STXBP5L: variants seen among roughly 807,000 people sequenced by gnomAD.
STXBP5L encodes syntaxin-binding protein 5-like.
A neutral mutation model predicts 144.5 loss-of-function variants in STXBP5L; 65 were observed. The ratio of observed to expected loss-of-function variants is 0.45; its 90% CI spans 0.37 to 0.55. STXBP5L has a LOEUF of 0.55. Among genes scored for constraint, STXBP5L ranks in the 20% least tolerant of loss-of-function variants. The pLI is 0.00. For missense variants in STXBP5L, 1,298 were observed against 1,405.5 expected, an observed-to-expected ratio of 0.92 and a Z score of 1.22; for synonymous variants, 505 against 469.6, an observed-to-expected ratio of 1.08 and a Z score of -0.97.
At chr3:121,259,809 G>GT (rs2050327898) in intron 18 of STXBP5L, among the ~76,000 whole-genome samples, 3 of 148,492 alleles carry the variant, frequency 2.0e-5, no homozygotes, top group Admixed American at 6.7e-5. Context: ...AGTTGTTCCT[G>GT]GTTTTTTTTT....
chr3:121,398,733 C>T (rs1170885014), intron 22 of STXBP5L, among the ~76,000 whole-genome samples: 1 of 152,182 alleles, frequency 6.6e-6, no homozygotes, highest in Non-Finnish European at 1.5e-5. Flanking sequence ...TAGCTTTATG[C>T]AGATTACCTC....
At chr3:120,936,554 GTATCTT>G (rs939620376) in intron 2 of STXBP5L, among the ~76,000 whole-genome samples, 2 of 151,526 alleles carry the variant, frequency 1.3e-5, no homozygotes, top group Non-Finnish European at 2.9e-5. Flanking sequence ...CCTTGTTTTT[GTATCTT>G]CAGTTGTCTT....
At chr3:121,069,619 G>A (rs2041711968) in intron 5 of STXBP5L, among the ~76,000 whole-genome samples, 1 of 151,872 alleles carries the variant, frequency 6.6e-6, no homozygotes, top group African/African-American at 2.4e-5. Context: ...ATATGTAGGA[G>A]ATCTAGTTTC....
intron 3 of STXBP5L, among the ~76,000 whole-genome samples, chr3:120,956,382 A>T (rs1007219387): frequency 6.6e-6 from 1 of 151,770 alleles, no homozygotes; most frequent in Non-Finnish European, 1.5e-5. Flanking sequence ...CTGTTTCTAT[A>T]ATTTTTACTA....
intron 19 of STXBP5L, among the ~76,000 whole-genome samples, chr3:121,295,179 A>T (rs2051601351): frequency 6.6e-6 from 1 of 152,064 alleles, no homozygotes; most frequent in Non-Finnish European, 1.5e-5. Flanking sequence ...GAGATTGAGG[A>T]TAAGGGAGAG....
intron 12 of STXBP5L, among the ~76,000 whole-genome samples, chr3:121,235,816 AAC>A (rs778143089): frequency 1.3e-3 from 191 of 148,804 alleles, no homozygotes; most frequent in African/African-American, 2.0e-3. Flanking sequence ...CTCCTGCCAG[AAC>A]ACACACACAC....
chr3:120,958,904 G>C (rs1454923187), intron 3 of STXBP5L, among the ~76,000 whole-genome samples: 1 of 152,156 alleles, frequency 6.6e-6, no homozygotes, highest in African/African-American at 2.4e-5. Context: ...GTTCTGGCCA[G>C]GGCAATTAGG....
chr3:121,117,298 G>A (rs1362929369), intron 6 of STXBP5L, among the ~76,000 whole-genome samples: 5 of 151,734 alleles, frequency 3.3e-5, no homozygotes, highest in East Asian at 3.9e-4. Context: ...AGTTGTACAT[G>A]CCTCTGAAAA....
At chr3:120,934,029 G>C (rs971858935) in intron 2 of STXBP5L, among the ~76,000 whole-genome samples, 23 of 144,644 alleles carry the variant, frequency 1.6e-4, no homozygotes, top group Non-Finnish European at 4.6e-5. Context: ...CTTTTTTTTT[G>C]CCCTTCGTAT....
chr3:120,926,957 A>G (rs933568810), intron 2 of STXBP5L, among the ~76,000 whole-genome samples: 2 of 131,904 alleles, frequency 1.5e-5, no homozygotes, highest in African/African-American at 5.8e-5. Flanking sequence ...TTTTTTTGAG[A>G]TGGAGTCTCC....
intron 22 of STXBP5L, among the ~76,000 whole-genome samples, chr3:121,398,553 A>G (rs2046791996): frequency 6.6e-6 from 1 of 152,170 alleles, no homozygotes. Flanking sequence ...CATTTTAGAC[A>G]TATTTCAGGC....
At chr3:120,967,582 T>C (rs1311762141) in intron 3 of STXBP5L, among the ~76,000 whole-genome samples, 1 of 152,240 alleles carries the variant, frequency 6.6e-6, no homozygotes, top group African/African-American at 2.4e-5. Context: ...GATATTTGTT[T>C]AGTCTCAATT....
At chr3:121,042,656 T>C (rs1417508987) in intron 4 of STXBP5L, among the ~76,000 whole-genome samples, 1 of 152,166 alleles carries the variant, frequency 6.6e-6, no homozygotes, top group Non-Finnish European at 1.5e-5. Context: ...CTTACAATTA[T>C]AAGTGTGGGT....
chr3:121,292,403 G>A (rs924938201), intron 19 of STXBP5L, among the ~76,000 whole-genome samples: 3 of 152,236 alleles, frequency 2.0e-5, no homozygotes, highest in Non-Finnish European at 1.5e-5. Flanking sequence ...ATGTTAGCAT[G>A]GATATAGTGA....
intron 11 of STXBP5L, among the ~76,000 whole-genome samples, chr3:121,226,426 C>T (rs754479799): frequency 2.6e-5 from 4 of 152,202 alleles, no homozygotes; most frequent in South Asian, 2.1e-4. Flanking sequence ...AGGGGGGCCC[C>T]GTTACTATTT....
At chr3:121,044,824 A>G (rs1369161717) in intron 4 of STXBP5L, among the ~76,000 whole-genome samples, 3 of 152,202 alleles carry the variant, frequency 2.0e-5, no homozygotes, top group Non-Finnish European at 4.4e-5. Context: ...GTGGTGCTGT[A>G]TAAAAGGAAT....
intron 18 of STXBP5L, among the ~76,000 whole-genome samples, chr3:121,274,366 T>C (rs757505458): frequency 2.9e-4 from 44 of 152,374 alleles, no homozygotes; most frequent in African/African-American, 9.1e-4. Context: ...CAGGTATCCA[T>C]GGCAGAAGCC....
intron 23 of STXBP5L, among the ~76,000 whole-genome samples, chr3:121,412,920 G>C (rs985732150): frequency 1.3e-5 from 2 of 151,932 alleles, no homozygotes; most frequent in Non-Finnish European, 2.9e-5. Flanking sequence ...TGTAGTTCCA[G>C]CTACTCAGGA....
At chr3:121,242,708 T>C (rs2049709794) in intron 14 of STXBP5L, among the ~76,000 whole-genome samples, 1 of 152,044 alleles carries the variant, frequency 6.6e-6, no homozygotes, top group Admixed American at 6.6e-5. Flanking sequence ...GTTAAAAACA[T>C]GACCAACTAT....
Sources: gnomAD v4.1 joint callset for allele counts (sites outside exome capture counted in the v4.1 genomes callset) on GRCh38, gnomAD v4.1.1 for gene constraint, MANE v1.5 for transcripts, NCBI Gene and HGNC (gene_info 2026-07-23, HGNC 2026-07-21) for gene names.